Variants in MYCBP2 observed in about 807,000 individuals in gnomAD.
MYCBP2 encodes MYC binding protein 2.
MYCBP2 carries 120 observed loss-of-function variants against 525.3 expected under a neutral mutation model. That is an observed-to-expected ratio of 0.23 (90% CI 0.20 to 0.27). The LOEUF is 0.27. MYCBP2 is among the 10% of genes least tolerant of loss of function. The pLI is 1.00. For synonymous variants in MYCBP2, 1,894 were observed against 1,955.8 expected, an observed-to-expected ratio of 0.97 and a Z score of 0.83; for missense variants, 4,149 against 5,657.1, an observed-to-expected ratio of 0.73 and a Z score of 8.55.
intron 18 of MYCBP2, among the ~76,000 whole-genome samples, chr13:77,227,947 CA>C (rs1157097101): frequency 2.0e-5 from 3 of 151,884 alleles, no homozygotes; most frequent in African/African-American, 7.3e-5. Flanking sequence ...TGTAACTGTA[CA>C]AAACAACTTC....
chr13:77,205,919 T>C (rs184430500), intron 24 of MYCBP2, among the ~76,000 whole-genome samples: 3 of 152,298 alleles, frequency 2.0e-5, no homozygotes, highest in Admixed American at 1.3e-4. Flanking sequence ...TAAAGTGCTA[T>C]TTGAGGAAGA....
At chr13:77,128,196 C>T (rs1273813262) in intron 52 of MYCBP2, among the ~76,000 whole-genome samples, 5 of 151,790 alleles carry the variant, frequency 3.3e-5, no homozygotes, top group Non-Finnish European at 5.9e-5. Flanking sequence ...TTACATAGTA[C>T]TTGCTATTAC....
intron 1 of MYCBP2, among the ~76,000 whole-genome samples, chr13:77,318,574 T>G (rs2081235966): frequency 6.6e-6 from 1 of 151,984 alleles, no homozygotes; most frequent in Non-Finnish European, 1.5e-5. Context: ...ACCAATATGG[T>G]GAAACCCCAC....
intron 72 of MYCBP2, among the ~76,000 whole-genome samples, chr13:77,065,498 G>A (rs2040044479): frequency 6.6e-6 from 1 of 152,108 alleles, no homozygotes; most frequent in Non-Finnish European, 1.5e-5. Flanking sequence ...ATGACAAGGA[G>A]CAACTAATCA....
Position 77,078,809 on chromosome 13 carries a change from C to A in MYCBP2, c.11484+15G>T. 6.2e-7 allele frequency: 1 copy of A among 1,611,626 alleles called. No individual in the cohort carries two copies. Among genetic ancestry groups the A allele is most frequent in the Non-Finnish European group, 8.5e-7 (1 of 1,178,102 alleles). Reference sequence around the variant, plus strand: ...CTCTAGGTAGCGAAACATTTAATGACAAAATTTCAATTACCTGCTTTATTC... The same window carrying A: ...CTCTAGGTAGCGAAACATTTAATGAAAAAATTTCAATTACCTGCTTTATTC... On this transcript the variant is annotated intron_variant, in intron 66 of 82. Coordinates refer to ENST00000544440, the MANE Select transcript of MYCBP2 (RefSeq NM_015057.5).
At chr13:77,170,971 G>C (rs1408886293) in intron 38 of MYCBP2, among the ~76,000 whole-genome samples, 4 of 152,086 alleles carry the variant, frequency 2.6e-5, no homozygotes, top group African/African-American at 4.8e-5. Flanking sequence ...GAGATTATCG[G>C]GATATTAACC....
intron 59 of MYCBP2, among the ~76,000 whole-genome samples, chr13:77,091,869 T>C (rs1033829125): frequency 3.3e-5 from 5 of 152,044 alleles, no homozygotes; most frequent in African/African-American, 9.7e-5. Flanking sequence ...TAAGGGGTAA[T>C]AGTAACCCAA....
intron 2 of MYCBP2, among the ~76,000 whole-genome samples, chr13:77,292,671 A>G (rs2077608937): frequency 6.6e-6 from 1 of 152,174 alleles, no homozygotes; most frequent in African/African-American, 2.4e-5. Context: ...AGAGGGTAAG[A>G]AAACCGGCCA....
rs1482312828 is a variant in MYCBP2, at chr13:77,125,579, T to G, written c.7885-111A>C. 6.0e-6 allele frequency: 7 copies of G among 1,169,134 alleles called. No individual in the cohort carries two copies. The African/African-American group carries it at 1.1e-4, about 18-fold the overall frequency. The allele number at this position is 1,169,134 out of a possible 1,614,324, so 72.4% of individuals were successfully genotyped here. A position where few individuals can be genotyped will look rare whatever the true frequency, so the allele number is the denominator to read the frequency against. The stretch of plus-strand genomic sequence containing the variant: ...AATAGTGTAATCATTCCAATACATT[T>G]CTACTAAGAAATTAGTTTCTGAAAT... On this transcript the variant is annotated intron_variant, in intron 53 of 82. Transcript: ENST00000544440.
intron 71 of MYCBP2, among the ~76,000 whole-genome samples, chr13:77,066,880 G>A (rs1190299439): frequency 2.7e-5 from 4 of 150,848 alleles, no homozygotes; most frequent in Non-Finnish European, 5.9e-5. Context: ...GCATTTATAA[G>A]TTTTTTTCTG....
chr13:77,082,480 T>C (rs1345173607), intron 63 of MYCBP2, among the ~76,000 whole-genome samples: 1 of 152,188 alleles, frequency 6.6e-6, no homozygotes, highest in Non-Finnish European at 1.5e-5. Flanking sequence ...ATTTCTTGTA[T>C]ACATTAATTA....
chr13:77,181,556 TA>T, intron 33 of MYCBP2, 144 bp downstream of exon 33: 1 of 486,470 alleles, frequency 2.1e-6, no homozygotes, highest in Non-Finnish European at 3.5e-6. Context: ...TAAATATACT[TA>T]AAAATAGAGA....
At chr13:77,180,431 T>C (rs2060110322) in intron 33 of MYCBP2, 113 bp from the exon 34 acceptor site, 4 of 872,994 alleles carry the variant, frequency 4.6e-6, no homozygotes, top group South Asian at 1.8e-5. Flanking sequence ...TGAATCAGGG[T>C]CAATTTCTAC....
intron 2 of MYCBP2, 141 bp from the exon 3 acceptor site, chr13:77,288,517 G>T: frequency 1.4e-6 from 1 of 730,608 alleles, no homozygotes; most frequent in Non-Finnish European, 2.2e-6. Context: ...CTAAGTCTAT[G>T]GACCCAACTT....
intron 7 of MYCBP2, 86 bp downstream of exon 7, chr13:77,269,906 T>A (rs2074639797): frequency 2.1e-6 from 2 of 972,096 alleles, no homozygotes; most frequent in African/African-American, 1.6e-5. Flanking sequence ...TCTGTTTAAA[T>A]AGAAGTGATA....
intron 45 of MYCBP2, among the ~76,000 whole-genome samples, chr13:77,157,611 G>C (rs2057369095): frequency 6.6e-6 from 1 of 151,912 alleles, no homozygotes; most frequent in Admixed American, 6.6e-5. Flanking sequence ...AAATAGCCGG[G>C]TGTGGTGGCA....
intron 38 of MYCBP2, 84 bp downstream of exon 38, chr13:77,171,408 G>T: frequency 7.5e-7 from 1 of 1,342,176 alleles, no homozygotes; most frequent in Non-Finnish European, 1.0e-6. Context: ...TTGTATAATA[G>T]AAGGCTCCTC....
intron 3 of MYCBP2, among the ~76,000 whole-genome samples, chr13:77,283,763 G>A (rs1033949631): frequency 6.6e-6 from 1 of 152,040 alleles, no homozygotes. Context: ...CTGGGGTGGT[G>A]GCAAACACCT....
In MYCBP2 at chr13:77,211,300, A is replaced by G; in HGVS notation, c.3283T>C (p.Ser1095Pro). 6.8e-7 allele frequency: 1 copy of G among 1,474,422 alleles called. No individual in the cohort carries two copies. Among genetic ancestry groups the G allele is most frequent in the Non-Finnish European group, 9.0e-7 (1 of 1,107,318 alleles). The allele number at this position is 1,474,422 out of a possible 1,614,324, so 91.3% of individuals were successfully genotyped here. ...HIIGLVPASI[S>P]EPPPFKCLLI... The stretch of plus-strand genomic sequence containing the variant: ...AGGCATTTAAATGGAGGAGGTTCTG[A>G]TATAGAAGCAGGTACCAAGCCTTAA... Residue 1095 changes from serine (S) to proline (P), a missense_variant, in exon 23 of 83, where the codon TCA becomes CCA. Ser to Pro is a moderately conservative substitution (Grantham distance 74). Transcript: ENST00000544440.
Sources: allele counts gnomAD v4.1 joint callset (sites outside exome capture counted in the v4.1 genomes callset), GRCh38; gene constraint gnomAD v4.1.1; transcripts MANE v1.5; gene names NCBI Gene and HGNC (gene_info 2026-07-23, HGNC 2026-07-21).